The following GPHN variants were observed in gnomAD, a reference collection of about 807,000 sequenced individuals.
GPHN encodes the protein gephyrin.
In GPHN, 17 loss-of-function variants were observed where a neutral mutation model predicts 95.5. The observed-to-expected ratio is 0.18, with a 90% CI of 0.12 to 0.27. The LOEUF is 0.27. GPHN is among the 10% of genes least tolerant of loss of function. The pLI is 1.00. For synonymous variants in GPHN, 320 were observed against 322.5 expected (o/e 0.99, Z 0.08); for missense variants, 660 against 978.1 (o/e 0.67, Z 4.34).
At chr14:67,572,005 A>AC in the GPHN span, 1 of 1,482,010 alleles carries the variant, frequency 6.7e-7, no homozygotes, top group Non-Finnish European at 9.1e-7. Flanking sequence ...TGAGCTCGTG[A>AC]CCCCCCAGCA....
chr14:67,621,316 C>T, the GPHN span, among the ~76,000 whole-genome samples: 1 of 152,164 alleles, frequency 6.6e-6, no homozygotes, highest in Non-Finnish European at 1.5e-5. Flanking sequence ...TATGATTTAT[C>T]AGTCTCGCCA....
intron 9 of GPHN, among the ~76,000 whole-genome samples, chr14:67,001,504 C>A (rs2153610983): frequency 6.6e-6 from 1 of 151,720 alleles, no homozygotes; most frequent in East Asian, 1.9e-4. Context: ...TTTCTAAATA[C>A]TTCTTTCAAT....
intron 2 of GPHN, among the ~76,000 whole-genome samples, chr14:66,736,044 G>A (rs1044295253): frequency 6.6e-6 from 1 of 152,158 alleles, no homozygotes; most frequent in Non-Finnish European, 1.5e-5. Flanking sequence ...TTATGGCAAT[G>A]ACTAATGTAT....
chr14:67,589,455 A>G, the GPHN span: 4 of 985,422 alleles, frequency 4.1e-6, no homozygotes, highest in East Asian at 4.5e-4. Context: ...GAGTAACAGA[A>G]AAGTATTAAT....
rs779885219 is a variant in GPHN, at chr14:66,666,256, T to A, written c.65-14851T>A. 4.1e-4 allele frequency among the ~76,000 whole-genome samples: 61 copies of A among 149,824 alleles called. 2 individuals carry two copies. Among genetic ancestry groups the A allele is most frequent in the South Asian group, 8.4e-4 (4 of 4,778 alleles). On this transcript the variant is annotated intron_variant, in intron 1 of 22. Coordinates refer to ENST00000478722, the MANE Select transcript of GPHN (RefSeq NM_020806.5). ...CCTAGAACTTAAAGTATAATAAAAA[T>A]ATATATATATAAAATATTAATAAAT...
At chr14:66,768,740 A>G (rs778879959) in intron 2 of GPHN, among the ~76,000 whole-genome samples, 5 of 152,056 alleles carry the variant, frequency 3.3e-5, no homozygotes, top group Non-Finnish European at 5.9e-5. Context: ...AGAGGAAGAC[A>G]TTATAGTCCA....
At chr14:67,538,433 G>A in the GPHN span, among the ~76,000 whole-genome samples, 3 of 152,194 alleles carry the variant, frequency 2.0e-5, no homozygotes, top group African/African-American at 4.8e-5. Context: ...TAACACATGC[G>A]TCGCAATGCT....
At chr14:67,044,452 C>A (rs1038712729) in intron 10 of GPHN, among the ~76,000 whole-genome samples, 4 of 152,032 alleles carry the variant, frequency 2.6e-5, no homozygotes, top group Non-Finnish European at 4.4e-5. Context: ...TTTCTTATTT[C>A]TTTCCAGGTG....
chr14:67,664,560 G>C, the GPHN span, among the ~76,000 whole-genome samples: 4 of 148,736 alleles, frequency 2.7e-5, no homozygotes, highest in African/African-American at 1.0e-4. Flanking sequence ...GCAGTGGCTC[G>C]GTCTCGGTTC....
intron 5 of GPHN, among the ~76,000 whole-genome samples, chr14:66,911,502 G>A (rs1191990188): frequency 6.6e-6 from 1 of 151,976 alleles, no homozygotes; most frequent in Non-Finnish European, 1.5e-5. Flanking sequence ...ATTTGGAGAA[G>A]AAGGGACTTG....
At chr14:66,632,543 A>AGT (rs2063871252) in intron 1 of GPHN, among the ~76,000 whole-genome samples, 1 of 144,376 alleles carries the variant, frequency 6.9e-6, no homozygotes, top group African/African-American at 2.5e-5. Flanking sequence ...ACCCAGGCAG[A>AGT]GTGCAGTGGT....
At chr14:66,691,284 A>C (rs1260652254) in intron 2 of GPHN, among the ~76,000 whole-genome samples, 1 of 152,034 alleles carries the variant, frequency 6.6e-6, no homozygotes, top group Non-Finnish European at 1.5e-5. Flanking sequence ...TCCTGGGTTC[A>C]AGCGATTCTC....
chr14:66,764,155 A>C (rs2153454565), intron 2 of GPHN, among the ~76,000 whole-genome samples: 1 of 152,078 alleles, frequency 6.6e-6, no homozygotes, highest in African/African-American at 2.4e-5. Context: ...CATGCCCCCA[A>C]CCCCCCAATC....
intron 5 of GPHN, among the ~76,000 whole-genome samples, chr14:66,915,064 A>G (rs550359984): frequency 6.7e-4 from 102 of 152,216 alleles, no homozygotes; most frequent in African/African-American, 2.3e-3. Context: ...AGATATATGG[A>G]AAGTTGTAAA....
chr14:66,902,325 C>T (rs1012854654), intron 5 of GPHN, among the ~76,000 whole-genome samples: 4 of 152,006 alleles, frequency 2.6e-5, no homozygotes, highest in African/African-American at 4.8e-5. Context: ...AACAAGTCTA[C>T]TTTCACTTCT....
the GPHN span, chr14:67,735,275 G>T: frequency 1.3e-5 from 13 of 984,740 alleles, no homozygotes; most frequent in African/African-American, 2.1e-4. Context: ...CTTCAGAATC[G>T]CCTCGTGCTC....
chr14:67,193,771 A>C, the GPHN span, among the ~76,000 whole-genome samples: 1 of 144,118 alleles, frequency 6.9e-6, no homozygotes, highest in African/African-American at 2.5e-5. Context: ...AGGAAGACCC[A>C]ATTTCTACAA....
At chr14:67,561,963 G>T in the GPHN span, 2 of 1,613,032 alleles carry the variant, frequency 1.2e-6, no homozygotes, top group African/African-American at 2.7e-5. Context: ...GCTTGAGATG[G>T]AGAATCAGCA....
At chr14:67,437,418 G>A in the GPHN span, among the ~76,000 whole-genome samples, 2 of 152,214 alleles carry the variant, frequency 1.3e-5, no homozygotes, top group Non-Finnish European at 2.9e-5. Flanking sequence ...GGTTGGAGGG[G>A]TGGGCAGCGG....
Sources: gnomAD v4.1 joint callset for allele counts (sites outside exome capture counted in the v4.1 genomes callset) on GRCh38, gnomAD v4.1.1 for gene constraint, MANE v1.5 for transcripts, NCBI Gene and HGNC (gene_info 2026-07-23, HGNC 2026-07-21) for gene names.